RARB: variants seen among roughly 807,000 people sequenced by gnomAD.
RARB encodes retinoic acid receptor beta, also known as HBV-activated protein.
In RARB, 17 loss-of-function variants were observed where a neutral mutation model predicts 51.9. The observed-to-expected ratio is 0.33, with a 90% CI of 0.22 to 0.49. The LOEUF (loss-of-function observed/expected upper bound fraction) is 0.49. Ranked by LOEUF, RARB falls within the 20% of genes least tolerant of loss-of-function variation. The pLI is 0.99. For missense variants in RARB, 369 were observed against 550.8 expected (o/e 0.67, Z 3.30); for synonymous variants, 215 against 195.4 (o/e 1.10, Z -0.84).
Position 25,428,826 on chromosome 3 carries a change from C to T in RARB, c.95C>T (p.Ala32Val). 2 of 1,614,086 alleles carry T rather than the reference C, an allele frequency of 1.2e-6. No homozygotes were observed. The highest frequency in any genetic ancestry group is 1.1e-5 in the South Asian group (1 of 91,072). ...SPSSCMLQEK[A>V]LKACFSGLTQ... Reference sequence around the variant, plus strand: ...TCTTCCTGCATGCTCCAGGAGAAAGCTCTCAAAGCATGCTTCAGTGGATTG... The same window carrying T: ...TCTTCCTGCATGCTCCAGGAGAAAGTTCTCAAAGCATGCTTCAGTGGATTG... Residue 32 changes from alanine to valine, a missense_variant, in exon 1 of 8, where the codon GCT becomes GTT. Ala to Val is a moderately conservative substitution (Grantham distance 64). Transcript: ENST00000330688.
intron 2 of RARB, among the ~76,000 whole-genome samples, chr3:25,482,705 A>C (rs58220846): frequency 6.6e-6 from 1 of 150,862 alleles, no homozygotes; most frequent in South Asian, 2.1e-4. Flanking sequence ...ATGCCCGGCT[A>C]TTTTTTTGTA....
chr3:25,508,018 C>A (rs1697695465), intron 3 of RARB, among the ~76,000 whole-genome samples: 1 of 152,150 alleles, frequency 6.6e-6, no homozygotes, highest in Non-Finnish European at 1.5e-5. Context: ...CTTTGTATTG[C>A]TCTTTGAGGT....
At chr3:25,476,542 C>G (rs17016482) in intron 2 of RARB, among the ~76,000 whole-genome samples, 7,849 of 152,010 alleles carry the variant, frequency 0.052, 244 homozygotes, top group East Asian at 0.18. Context: ...TGTGTGGCAC[C>G]CCAAATTGCC....
rs541772641 is a variant in RARB, at chr3:25,255,689, A to G, written c.178+81114A>G. On this transcript the variant is annotated intron_variant, in intron 5 of 11. Transcript: ENST00000383772. ...TGATTGTAGAGAGACTTTGCGTTAT[A>G]TTAGAGTGGTTTATGCAGTACAGTT... 2.0e-5 allele frequency among the ~76,000 whole-genome samples: 3 copies of G among 152,262 alleles called. No homozygotes were observed. In the South Asian group the frequency reaches 6.2e-4, roughly 32 times the overall value.
chr3:25,500,745 C>G (rs1444703027), intron 2 of RARB, among the ~76,000 whole-genome samples: 1 of 152,052 alleles, frequency 6.6e-6, no homozygotes, highest in Non-Finnish European at 1.5e-5. Flanking sequence ...TCCCAAAGTG[C>G]TGGGATTACA....
intron 5 of RARB, among the ~76,000 whole-genome samples, chr3:25,186,039 G>C (rs1700967359): frequency 1.3e-5 from 2 of 151,868 alleles, no homozygotes; most frequent in Admixed American, 6.6e-5. Flanking sequence ...ATTTGACCCT[G>C]GGAATTCCAG....
intron 2 of RARB, among the ~76,000 whole-genome samples, chr3:25,476,446 C>A (rs931249461): frequency 2.0e-4 from 31 of 152,128 alleles, no homozygotes; most frequent in African/African-American, 6.7e-4. Flanking sequence ...TTTGGCTGTG[C>A]CTTCTATTTT....
At chr3:25,051,582 A>C (rs551666762) in intron 2 of RARB, among the ~76,000 whole-genome samples, 1 of 113,720 alleles carries the variant, frequency 8.8e-6, no homozygotes, top group African/African-American at 3.1e-5. Flanking sequence ...TACATGTATA[A>C]AAATAAGACT....
intron 5 of RARB, among the ~76,000 whole-genome samples, chr3:25,273,426 G>A (rs530230478): frequency 2.6e-5 from 4 of 152,216 alleles, no homozygotes; most frequent in African/African-American, 4.8e-5. Flanking sequence ...ATTCTAATCC[G>A]GTTATGACGA....
intron 4 of RARB, among the ~76,000 whole-genome samples, chr3:25,134,147 T>C (rs998438688): frequency 6.6e-6 from 1 of 151,964 alleles, no homozygotes; most frequent in Admixed American, 6.6e-5. Context: ...AATTTACTTA[T>C]TAGCTTAGTA....
intron 2 of RARB, among the ~76,000 whole-genome samples, chr3:25,028,337 G>C (rs1359657628): frequency 6.6e-6 from 1 of 152,194 alleles, no homozygotes; most frequent in Non-Finnish European, 1.5e-5. Flanking sequence ...CAGGAGTCAG[G>C]CTTTCTCTCA....
chr3:24,963,620 G>C (rs1399260380), intron 2 of RARB, among the ~76,000 whole-genome samples: 2 of 151,772 alleles, frequency 1.3e-5, no homozygotes, highest in Non-Finnish European at 2.9e-5. Context: ...GAGAATTCAA[G>C]AAACCTGGCT....
intron 3 of RARB, among the ~76,000 whole-genome samples, chr3:25,071,290 C>T (rs1231762771): frequency 1.3e-5 from 2 of 152,164 alleles, no homozygotes; most frequent in African/African-American, 4.8e-5. Context: ...AGACAGGGTG[C>T]TAGCTGATTT....
intron 2 of RARB, among the ~76,000 whole-genome samples, chr3:25,019,704 G>A (rs1201124377): frequency 1.3e-5 from 2 of 152,176 alleles, no homozygotes; most frequent in African/African-American, 4.8e-5. Flanking sequence ...GCTGCAGGGC[G>A]AGGGTGGAGA....
At chr3:25,441,995 A>G (rs1384321753) in intron 1 of RARB, among the ~76,000 whole-genome samples, 2 of 152,218 alleles carry the variant, frequency 1.3e-5, no homozygotes, top group Non-Finnish European at 2.9e-5. Context: ...GAAGTTTCCA[A>G]TGATGGAAAG....
intron 2 of RARB, among the ~76,000 whole-genome samples, chr3:24,928,261 C>T (rs764920944): frequency 6.6e-6 from 1 of 151,866 alleles, no homozygotes. Context: ...TATCTCTGGT[C>T]TTGGTGGACT....
At chr3:25,318,874 A>G (rs1164382306) in intron 5 of RARB, among the ~76,000 whole-genome samples, 2 of 152,112 alleles carry the variant, frequency 1.3e-5, no homozygotes, top group Non-Finnish European at 2.9e-5. Context: ...AATATCCTTA[A>G]TGTCCTTTTC....
At chr3:25,535,777 T>A (rs2125648678) in intron 3 of RARB, among the ~76,000 whole-genome samples, 1 of 152,326 alleles carries the variant, frequency 6.6e-6, no homozygotes, top group East Asian at 1.9e-4. Context: ...GGAAATAATA[T>A]GAATCCCTGC....
At chr3:24,912,837 T>C (rs2125380475) in intron 2 of RARB, among the ~76,000 whole-genome samples, 1 of 152,204 alleles carries the variant, frequency 6.6e-6, no homozygotes, top group African/African-American at 2.4e-5. Flanking sequence ...GAGAAATGTT[T>C]TTCAAAGTGT....
Sources: gnomAD v4.1 joint callset for allele counts (sites outside exome capture counted in the v4.1 genomes callset) on GRCh38, gnomAD v4.1.1 for gene constraint, MANE v1.5 for transcripts, NCBI Gene and HGNC (gene_info 2026-07-23, HGNC 2026-07-21) for gene names.